CAP1: variants seen among roughly 807,000 people sequenced by gnomAD.
CAP1 encodes adenylyl cyclase-associated protein 1.
A neutral mutation model predicts 58.2 loss-of-function variants in CAP1; 11 were observed. The observed-to-expected ratio is 0.19, with a 90% confidence interval of 0.12 to 0.31. The LOEUF is 0.31. Among genes scored for constraint, CAP1 ranks in the 10% least tolerant of loss-of-function variants. CAP1 has a pLI of 1.00. For missense variants in CAP1, 423 were observed against 587.5 expected, an observed-to-expected ratio of 0.72 and a Z score of 2.89; for synonymous variants, 183 against 213.8, an observed-to-expected ratio of 0.86 and a Z score of 1.26.
At chr1:40,066,408 C>G in intron 7 of CAP1, 88 bp downstream of exon 7, 1 of 719,412 alleles carries the variant, frequency 1.4e-6, no homozygotes, top group South Asian at 1.5e-5. Context: ...TCAGCACTAC[C>G]AAAGTCTGTG....
At chr1:40,070,120 G>C in intron 9 of CAP1, 39 bp from the exon 10 acceptor site, 1 of 1,612,480 alleles carries the variant, frequency 6.2e-7, no homozygotes, top group Non-Finnish European at 8.5e-7. Flanking sequence ...TGTTCGGTGT[G>C]TGCTTTGTGA....
rs1441699574 is a variant in CAP1, at chr1:40,064,512, T to C, written c.477T>C (p.Asp159=). The C allele has an allele frequency of 3.1e-6, 5 of 1,613,996 alleles. No individual in the cohort carries two copies. Among genetic ancestry groups the C allele is most frequent in the Non-Finnish European group, 3.4e-6 (4 of 1,179,972 alleles). Residue 159 remains aspartate (D), a synonymous_variant, in exon 6 of 13, where the codon GAT becomes GAC. Transcript: ENST00000372805. Reference sequence around the variant, plus strand: ...GCCCTTATGTGAAAGAAATGAATGATGCCGCCATGTTTTATACAAACCGAG... The same window carrying C: ...GCCCTTATGTGAAAGAAATGAATGACGCCGCCATGTTTTATACAAACCGAG... ...KPGPYVKEMN[D]AAMFYTNRVL...
intron 1 of CAP1, among the ~76,000 whole-genome samples, chr1:40,045,055 A>G (rs1276489042): frequency 6.6e-6 from 1 of 151,910 alleles, no homozygotes; most frequent in East Asian, 1.9e-4. Context: ...AGGTGCTGGG[A>G]TTACAGGTGT....
chr1:40,044,941 C>T (rs951936591), intron 1 of CAP1, among the ~76,000 whole-genome samples: 4 of 151,416 alleles, frequency 2.6e-5, no homozygotes, highest in African/African-American at 9.7e-5. Context: ...GGACTACAGG[C>T]GCCCGCCACC....
intron 2 of CAP1, 78 bp from the exon 3 acceptor site, chr1:40,059,989 C>A: frequency 8.4e-7 from 1 of 1,194,896 alleles, no homozygotes; most frequent in Non-Finnish European, 1.2e-6. Flanking sequence ...CTTGCCTCCC[C>A]ACTTTCATGT....
intron 4 of CAP1, 63 bp downstream of exon 4, chr1:40,061,875 G>A: frequency 8.3e-7 from 1 of 1,201,068 alleles, no homozygotes; most frequent in Non-Finnish European, 1.2e-6. Context: ...AGAGATTTAT[G>A]TCAAGCTATT....
chr1:40,042,067 G>A (rs900710623), intron 1 of CAP1, among the ~76,000 whole-genome samples: 12 of 152,084 alleles, frequency 7.9e-5, no homozygotes, highest in African/African-American at 2.9e-4. Context: ...AGTAGAGATG[G>A]GGTTTCGCCG....
chr1:40,044,499 C>G (rs548573218), intron 1 of CAP1, among the ~76,000 whole-genome samples: 72 of 152,236 alleles, frequency 4.7e-4, no homozygotes, highest in African/African-American at 1.7e-3. Flanking sequence ...CTATGACAAC[C>G]AGACAAATCT....
chr1:40,061,008 G>GCTTT (rs1646824950), intron 3 of CAP1, among the ~76,000 whole-genome samples: 1 of 152,090 alleles, frequency 6.6e-6, no homozygotes, highest in African/African-American at 2.4e-5. Flanking sequence ...AAAATAGATT[G>GCTTT]CTTTCTTTGA....
At position 40,070,465 on chromosome 1, in the gene CAP1, G is replaced by T; in HGVS notation, c.1153G>T (p.Val385Leu). ...GAAACTTGGCCTGGTATTCGATGAC[G>T]TGGTGGGCATTGTGGAGATAATCAA... ...CKKLGLVFDD[V>L]VGIVEIINSK... The change falls in exon 11 of 13, where the codon GTG (valine) becomes TTG (leucine). Residue 385 changes from valine to leucine, a missense_variant. Coordinates refer to ENST00000372805, the MANE Select transcript of CAP1 (RefSeq NM_006367.4). 5 of 1,613,974 alleles carry T rather than the reference G, an allele frequency of 3.1e-6. No individual in the cohort carries two copies. Among genetic ancestry groups the T allele is most frequent in the Non-Finnish European group, 4.2e-6 (5 of 1,179,900 alleles).
chr1:40,058,682 A>G (rs554389396), intron 1 of CAP1, among the ~76,000 whole-genome samples: 21 of 152,154 alleles, frequency 1.4e-4, no homozygotes, highest in Non-Finnish European at 2.6e-4. Context: ...AGATCCTGCC[A>G]CTGCACTCCA....
chr1:40,040,836 C>CT (rs1294703141), intron 1 of CAP1, 35 bp downstream of exon 1: 1 of 152,944 alleles, frequency 6.5e-6, no homozygotes, highest in East Asian at 1.9e-4. Flanking sequence ...ATTGGGGTCC[C>CT]TTCCGGGGCC....
intron 1 of CAP1, among the ~76,000 whole-genome samples, chr1:40,048,864 C>T (rs1291473783): frequency 2.0e-5 from 3 of 152,058 alleles, no homozygotes; most frequent in African/African-American, 4.8e-5. Context: ...CATTTTGAAG[C>T]AAATCAATTG....
At chr1:40,063,991 G>A (rs1646966570) in intron 4 of CAP1, among the ~76,000 whole-genome samples, 1 of 152,224 alleles carries the variant, frequency 6.6e-6, no homozygotes, top group Non-Finnish European at 1.5e-5. Flanking sequence ...CTGTGGTATA[G>A]CTGAAGTATG....
intron 1 of CAP1, among the ~76,000 whole-genome samples, chr1:40,056,549 G>T (rs577489246): frequency 6.6e-6 from 1 of 152,176 alleles, no homozygotes; most frequent in South Asian, 2.1e-4. Flanking sequence ...CTCCCATCTT[G>T]GCATTCCAGA....
intron 1 of CAP1, among the ~76,000 whole-genome samples, chr1:40,041,970 G>C (rs750959216): frequency 2.0e-5 from 3 of 152,124 alleles, no homozygotes; most frequent in African/African-American, 4.8e-5. Flanking sequence ...CTCTTTGTGG[G>C]GCTCTCTCTT....
At chr1:40,064,677 A>G in intron 6 of CAP1, 118 bp downstream of exon 6, 1 of 755,934 alleles carries the variant, frequency 1.3e-6, no homozygotes. Context: ...CCCAGCTCAA[A>G]CAATCCTCCC....
chr1:40,070,359 C>T (rs759184569), intron 10 of CAP1, 71 bp from the exon 11 acceptor site: 16 of 1,604,834 alleles, frequency 1.0e-5, no homozygotes, highest in Admixed American at 1.7e-5. Flanking sequence ...CTACCCTATC[C>T]TTAAAGATTC....
At chr1:40,069,450 AC>A in intron 8 of CAP1, 1 of 403,140 alleles carries the variant, frequency 2.5e-6, no homozygotes, top group East Asian at 4.4e-5. Flanking sequence ...ATAAGGATTT[AC>A]ATATCCTTAT....
Sources: gnomAD v4.1 joint callset for allele counts (sites outside exome capture counted in the v4.1 genomes callset) on GRCh38, gnomAD v4.1.1 for gene constraint, MANE v1.5 for transcripts, NCBI Gene and HGNC (gene_info 2026-07-23, HGNC 2026-07-21) for gene names.